The following BACH2 variants were observed in gnomAD, a reference collection of about 807,000 sequenced individuals.
BACH2 encodes the protein transcription regulator protein BACH2.
BACH2 carries 5 observed loss-of-function variants against 61.8 expected under a neutral mutation model. The observed-to-expected ratio is 0.08, with a 90% CI of 0.04 to 0.17. The LOEUF (loss-of-function observed/expected upper bound fraction) is 0.17. Among genes scored for constraint, BACH2 ranks in the 10% least tolerant of loss-of-function variants. The pLI, the probability that BACH2 is intolerant of heterozygous loss-of-function variation, is 1.00. For synonymous variants in BACH2, 446 were observed against 440.1 expected, an observed-to-expected ratio of 1.01 and a Z score of -0.17; for missense variants, 824 against 1,091.1, an observed-to-expected ratio of 0.76 and a Z score of 3.45.
At chr6:90,149,417 A>G (rs547116005) in intron 4 of BACH2, among the ~76,000 whole-genome samples, 2 of 152,328 alleles carry the variant, frequency 1.3e-5, no homozygotes, top group Admixed American at 6.5e-5. Flanking sequence ...GATAAATTCC[A>G]AAGTCCATCT....
intron 6 of BACH2, among the ~76,000 whole-genome samples, chr6:89,982,052 C>A (rs1240714251): frequency 6.6e-6 from 1 of 151,684 alleles, no homozygotes; most frequent in Non-Finnish European, 1.5e-5. Flanking sequence ...CTCACTGCAG[C>A]CTTTACCTCA....
chr6:90,115,399 C>T (rs1184076518), intron 4 of BACH2, among the ~76,000 whole-genome samples: 1 of 152,054 alleles, frequency 6.6e-6, no homozygotes, highest in Non-Finnish European at 1.5e-5. Context: ...TTTGACAAAG[C>T]TGACAAAAAC....
intron 4 of BACH2, among the ~76,000 whole-genome samples, chr6:90,101,226 T>G (rs1035111205): frequency 6.6e-5 from 10 of 152,228 alleles, no homozygotes; most frequent in African/African-American, 2.4e-4. Context: ...CCTTTAAGCA[T>G]GAAGTTTTTA....
intron 4 of BACH2, among the ~76,000 whole-genome samples, chr6:90,092,280 T>TA (rs200675044): frequency 0.023 from 1,795 of 77,176 alleles, 65 homozygotes; most frequent in South Asian, 0.087. Context: ...ACTGTCAAAG[T>TA]AAAAAAAAAA....
At chr6:90,124,076 G>A (rs1032574436) in intron 4 of BACH2, among the ~76,000 whole-genome samples, 4 of 152,100 alleles carry the variant, frequency 2.6e-5, no homozygotes, top group Admixed American at 6.6e-5. Flanking sequence ...TAGAGGTCAG[G>A]TTGGAGAATC....
At chr6:90,181,152 C>T (rs1319994849) in intron 4 of BACH2, among the ~76,000 whole-genome samples, 2 of 152,136 alleles carry the variant, frequency 1.3e-5, no homozygotes, top group Non-Finnish European at 2.9e-5. Context: ...TAAGTGTTCC[C>T]TTTTCACTAT....
At chr6:90,196,823 A>G (rs573493664) in intron 4 of BACH2, among the ~76,000 whole-genome samples, 1 of 152,314 alleles carries the variant, frequency 6.6e-6, no homozygotes, top group South Asian at 2.1e-4. Context: ...GAGAGTGGTA[A>G]GAAATTACAA....
intron 5 of BACH2, among the ~76,000 whole-genome samples, chr6:90,024,106 G>C (rs1014809095): frequency 3.3e-5 from 5 of 151,674 alleles, no homozygotes; most frequent in Admixed American, 2.6e-4. Context: ...CCCACTTTAA[G>C]TTATACATTT....
intron 6 of BACH2, among the ~76,000 whole-genome samples, chr6:89,986,878 T>C (rs765235839): frequency 2.0e-5 from 3 of 152,230 alleles, no homozygotes; most frequent in South Asian, 2.1e-4. Context: ...GATTTCAGTA[T>C]GTCAGCTGAC....
At chr6:89,938,406 G>A in intron 7 of BACH2, 56 bp from the exon 8 acceptor site, 1 of 1,479,788 alleles carries the variant, frequency 6.8e-7, no homozygotes, top group Admixed American at 1.8e-5. Context: ...ATTCTGGCAG[G>A]CGGAACATCA....
intron 4 of BACH2, among the ~76,000 whole-genome samples, chr6:90,141,947 G>A (rs1400303121): frequency 6.6e-6 from 1 of 152,162 alleles, no homozygotes; most frequent in Non-Finnish European, 1.5e-5. Context: ...TGGGTGTGGT[G>A]GCTTATGCCT....
chr6:90,203,974 G>T (rs970025798), intron 4 of BACH2, among the ~76,000 whole-genome samples: 3 of 152,150 alleles, frequency 2.0e-5, no homozygotes, highest in Non-Finnish European at 4.4e-5. Context: ...TTAAATTAGT[G>T]CGGCCAACTG....
chr6:90,171,303 G>A (rs1018981919), intron 4 of BACH2, among the ~76,000 whole-genome samples: 3 of 151,810 alleles, frequency 2.0e-5, no homozygotes, highest in Non-Finnish European at 4.4e-5. Context: ...GTCTCAGCTA[G>A]TTGGGAGGCC....
chr6:90,218,629 A>T (rs1481060442), intron 3 of BACH2, among the ~76,000 whole-genome samples: 1 of 151,760 alleles, frequency 6.6e-6, no homozygotes, highest in African/African-American at 2.4e-5. Flanking sequence ...GGAGGAGAAG[A>T]ATTGCTTTGT....
At chr6:89,969,535 G>T (rs986948481) in intron 6 of BACH2, among the ~76,000 whole-genome samples, 1 of 152,164 alleles carries the variant, frequency 6.6e-6, no homozygotes, top group Admixed American at 6.6e-5. Flanking sequence ...GGGAGCAGGT[G>T]GGGGACAGAG....
chr6:89,946,711 A>G (rs866955944), intron 7 of BACH2, among the ~76,000 whole-genome samples: 2 of 152,228 alleles, frequency 1.3e-5, no homozygotes, highest in Non-Finnish European at 1.5e-5. Context: ...ACATAATGCC[A>G]TTAAAATAAA....
intron 2 of BACH2, among the ~76,000 whole-genome samples, chr6:90,256,345 A>G (rs1313229921): frequency 6.6e-6 from 1 of 152,206 alleles, no homozygotes; most frequent in Non-Finnish European, 1.5e-5. Context: ...CCTAATTTCT[A>G]TGCTAATTTC....
intron 4 of BACH2, among the ~76,000 whole-genome samples, chr6:90,175,477 T>C (rs1767954985): frequency 6.6e-6 from 1 of 152,000 alleles, no homozygotes; most frequent in Non-Finnish European, 1.5e-5. Flanking sequence ...TAATAAGAAA[T>C]GTCAAAAAGG....
chr6:90,133,356 C>T (rs950754845), intron 4 of BACH2, among the ~76,000 whole-genome samples: 4 of 152,130 alleles, frequency 2.6e-5, no homozygotes, highest in African/African-American at 9.7e-5. Context: ...TGAATAAACC[C>T]AGAATTGAGT....
Sources: gnomAD v4.1 joint callset for allele counts (sites outside exome capture counted in the v4.1 genomes callset) on GRCh38, gnomAD v4.1.1 for gene constraint, MANE v1.5 for transcripts, NCBI Gene and HGNC (gene_info 2026-07-23, HGNC 2026-07-21) for gene names.